The following MAP4K4 variants were observed in gnomAD, a reference collection of about 807,000 sequenced individuals.
MAP4K4 encodes mitogen-activated protein kinase kinase kinase kinase 4, also known as HPK/GCK-like kinase HGK.
MAP4K4 carries 38 observed loss-of-function variants against 189.6 expected under a neutral mutation model. The ratio of observed to expected loss-of-function variants is 0.20; its 90% confidence interval spans 0.15 to 0.26. MAP4K4 has a LOEUF of 0.26. MAP4K4 is among the 10% of genes least tolerant of loss of function. The pLI, the probability that MAP4K4 is intolerant of heterozygous loss-of-function variation, is 1.00. For missense variants in MAP4K4, 1,054 were observed against 1,726.9 expected (o/e 0.61, Z 6.91); for synonymous variants, 610 against 624.3 (o/e 0.98, Z 0.34).
intron 2 of MAP4K4, among the ~76,000 whole-genome samples, chr2:101,747,811 A>G (rs1014230414): frequency 1.3e-5 from 2 of 152,222 alleles, no homozygotes; most frequent in Non-Finnish European, 2.9e-5. Context: ...TGGTCCAAGA[A>G]ATAGGCTTGG....
intron 11 of MAP4K4, 51 bp downstream of exon 11, chr2:101,842,732 T>A (rs1324775749): frequency 1.2e-5 from 17 of 1,461,050 alleles, no homozygotes; most frequent in South Asian, 8.6e-5. Context: ...GGATTAAGTT[T>A]TATGTTGTGC....
Position 101,786,692 on chromosome 2 carries a change from A to G in MAP4K4, c.124-4028A>G, listed in dbSNP as rs541675170. ...GGAGTCCCTCTCTTGAAGTATGTAT[A>G]TAAAATCACTGTGGAAGGGGGATCC... is the stretch of plus-strand genomic sequence containing the variant. On this transcript the variant is annotated intron_variant, in intron 2 of 32. Coordinates refer to ENST00000324219, the Ensembl canonical transcript of MAP4K4. Among the ~76,000 whole-genome samples, 4 of 152,316 alleles carry G rather than the reference A, an allele frequency of 2.6e-5. No individual in the cohort carries two copies. In the South Asian group the frequency reaches 6.2e-4, roughly 24 times the overall value.
exon 33 of MAP4K4, chr2:101,892,962 A>C (rs965399615): frequency 4.4e-6 from 2 of 456,292 alleles, no homozygotes; most frequent in African/African-American, 4.0e-5. Flanking sequence ...AACCTCAGTC[A>C]TCAAAAGAAA....
intron 2 of MAP4K4, among the ~76,000 whole-genome samples, chr2:101,776,844 G>A (rs891475609): frequency 5.3e-5 from 8 of 152,020 alleles, no homozygotes; most frequent in Admixed American, 1.3e-4. Flanking sequence ...ATTGAATTTC[G>A]CAATCTCATA....
chr2:101,774,856 C>T (rs1186008198), intron 2 of MAP4K4, among the ~76,000 whole-genome samples: 2 of 152,010 alleles, frequency 1.3e-5, no homozygotes, highest in African/African-American at 4.8e-5. Flanking sequence ...GACTTGCGCT[C>T]CTAGGTAGGC....
chr2:101,831,966 C>A, intron 7 of MAP4K4, 115 bp downstream of exon 7: 1 of 1,269,830 alleles, frequency 7.9e-7, no homozygotes, highest in Non-Finnish European at 1.1e-6. Context: ...GGAGGAAGAC[C>A]TTCAGTGAGG....
At chr2:101,827,504 A>G (rs2096412709) in intron 5 of MAP4K4, among the ~76,000 whole-genome samples, 2 of 152,188 alleles carry the variant, frequency 1.3e-5, no homozygotes, top group South Asian at 2.1e-4. Flanking sequence ...TGTGTTCTCA[A>G]AGACAGTTGG....
exon 24 of MAP4K4, chr2:101,871,634 G>A (rs980439104): frequency 4.6e-6 from 7 of 1,536,342 alleles, no homozygotes; most frequent in Admixed American, 2.0e-5. Flanking sequence ...CCAGCCAGCC[G>A]ACACCCACCA....
chr2:101,831,376 GCT>G (rs1335548651), intron 6 of MAP4K4, among the ~76,000 whole-genome samples: 1 of 152,138 alleles, frequency 6.6e-6, no homozygotes, highest in African/African-American at 2.4e-5. Context: ...TGAACCTGGG[GCT>G]CTCTGTGACT....
At chr2:101,873,659 A>C in exon 25 of MAP4K4, 3 of 1,596,520 alleles carry the variant, frequency 1.9e-6, no homozygotes, top group Non-Finnish European at 2.6e-6. Context: ...TCAGTCCGCT[A>C]GTAGCACACT....
At chr2:101,726,974 G>A (rs568097435) in intron 2 of MAP4K4, among the ~76,000 whole-genome samples, 45 of 152,244 alleles carry the variant, frequency 3.0e-4, no homozygotes, top group African/African-American at 1.1e-3. Flanking sequence ...CACCTGGCGA[G>A]GGGGGTGAGC....
chr2:101,836,588 C>G (rs1264533801), intron 9 of MAP4K4, among the ~76,000 whole-genome samples: 2 of 141,278 alleles, frequency 1.4e-5, no homozygotes, highest in African/African-American at 5.2e-5. Context: ...AACTCTGTCT[C>G]AAAAAAAAAA....
intron 2 of MAP4K4, among the ~76,000 whole-genome samples, chr2:101,709,045 G>A (rs2043971556): frequency 6.6e-6 from 1 of 152,134 alleles, no homozygotes; most frequent in South Asian, 2.1e-4. Flanking sequence ...AAAGGAGGGG[G>A]AATTTATCTG....
At chr2:101,792,873 A>G (rs912593154) in intron 3 of MAP4K4, among the ~76,000 whole-genome samples, 3 of 152,042 alleles carry the variant, frequency 2.0e-5, no homozygotes, top group Non-Finnish European at 4.4e-5. Flanking sequence ...ACTTCAAGCA[A>G]TTCACCCGCC....
intron 25 of MAP4K4, 42 bp from the exon 26 acceptor site, chr2:101,874,040 T>C (rs540864731): frequency 1.3e-6 from 2 of 1,524,040 alleles, no homozygotes; most frequent in East Asian, 2.3e-5. Flanking sequence ...AGGCATAGTG[T>C]GTGTGTGTAC....
chr2:101,708,753 G>A (rs995157863), intron 2 of MAP4K4, among the ~76,000 whole-genome samples: 7 of 152,244 alleles, frequency 4.6e-5, no homozygotes, highest in Admixed American at 2.0e-4. Context: ...TAGATTCCTC[G>A]TAGTGATTTA....
intron 2 of MAP4K4, among the ~76,000 whole-genome samples, chr2:101,769,303 C>CT (rs1379423106): frequency 6.6e-6 from 1 of 152,114 alleles, no homozygotes; most frequent in East Asian, 1.9e-4. Context: ...GGTTCTAGAT[C>CT]TGTAATAGTG....
chr2:101,859,122 T>C, intron 14 of MAP4K4, 40 bp downstream of exon 14: 2 of 1,558,094 alleles, frequency 1.3e-6, no homozygotes, highest in Non-Finnish European at 1.8e-6. Flanking sequence ...GCATCAGGGC[T>C]CCTTCATCCG....
At chr2:101,768,269 A>T (rs1046429669) in intron 2 of MAP4K4, among the ~76,000 whole-genome samples, 1 of 152,160 alleles carries the variant, frequency 6.6e-6, no homozygotes, top group South Asian at 2.1e-4. Flanking sequence ...TTTCCTCTTT[A>T]ATTAACCCCA....
Sources: allele counts gnomAD v4.1 joint callset (sites outside exome capture counted in the v4.1 genomes callset), GRCh38; gene constraint gnomAD v4.1.1; transcripts MANE v1.5; gene names NCBI Gene and HGNC (gene_info 2026-07-23, HGNC 2026-07-21).